TFEC: variants seen among roughly 807,000 people sequenced by gnomAD.
TFEC encodes the protein class E basic helix-loop-helix protein 34.
Under a neutral mutation model 41.6 loss-of-function variants are expected in TFEC, and 31 were observed. The observed-to-expected ratio is 0.74, with a 90% CI of 0.56 to 1.01. The LOEUF (loss-of-function observed/expected upper bound fraction) is 1.01, where lower values mean the gene tolerates loss of function less well. TFEC is among the 50% of genes least tolerant of loss of function. The pLI is 0.00. For missense variants in TFEC, 402 were observed against 404.1 expected, an observed-to-expected ratio of 0.99 and a Z score of 0.04; for synonymous variants, 143 against 140.6, an observed-to-expected ratio of 1.02 and a Z score of -0.12.
At chr7:115,953,020 C>T (rs1347764664) in intron 5 of TFEC, among the ~76,000 whole-genome samples, 3 of 152,118 alleles carry the variant, frequency 2.0e-5, no homozygotes, top group Non-Finnish European at 4.4e-5. Flanking sequence ...GAAGACAGAA[C>T]ATGACACCGA....
At chr7:116,089,270 G>T in intron 3 of TFEC, among the ~76,000 whole-genome samples, 1 of 152,180 alleles carries the variant, frequency 6.6e-6, no homozygotes, top group East Asian at 1.9e-4. Flanking sequence ...GGAAAAATAG[G>T]AAGTGTATAG....
intron 3 of TFEC, among the ~76,000 whole-genome samples, chr7:116,101,188 G>GC (rs150112321): frequency 0.18 from 19,286 of 109,684 alleles, 1,534 homozygotes; most frequent in East Asian, 0.31. Context: ...CCACTTTCAT[G>GC]CCCCCCCCCA....
chr7:115,938,534 C>CA lies in TFEC; in HGVS notation c.*2016dup, dbSNP rs1157170540. On this transcript the variant is annotated 3_prime_UTR_variant, in exon 8 of 8. Coordinates refer to ENST00000265440, the MANE Select transcript of TFEC (RefSeq NM_012252.4). ...GAAGTTAGTAATTATTTTTCCATGTCAAACAATAAAATTATTTTAATTCTC... is the reference window on the plus strand; with the variant it reads ...GAAGTTAGTAATTATTTTTCCATGTCAAAACAATAAAATTATTTTAATTCTC... 7 of 151,844 alleles carry CA rather than the reference C, an allele frequency of 4.6e-5. No individual in the cohort carries two copies. Among genetic ancestry groups the CA allele is most frequent in the Non-Finnish European group, 1.0e-4 (7 of 67,838 alleles). The allele number at this position is 151,844 out of a possible 1,614,324, so 9.4% of individuals were successfully genotyped here. A position where few individuals can be genotyped will look rare whatever the true frequency, so the allele number is the denominator to read the frequency against.
chr7:116,122,532 T>C (rs995511418), intron 1 of TFEC, among the ~76,000 whole-genome samples: 5 of 152,110 alleles, frequency 3.3e-5, no homozygotes, highest in African/African-American at 7.2e-5. Context: ...GCATTAGTGA[T>C]GCTTGTTCAT....
At chr7:116,132,763 C>A (rs182482302) in intron 1 of TFEC, among the ~76,000 whole-genome samples, 1 of 152,114 alleles carries the variant, frequency 6.6e-6, no homozygotes, top group Admixed American at 6.5e-5. Flanking sequence ...AGAACTATAG[C>A]GTTAAAACAA....
At chr7:116,146,058 G>A (rs1207442043) in intron 1 of TFEC, among the ~76,000 whole-genome samples, 5 of 152,278 alleles carry the variant, frequency 3.3e-5, no homozygotes, top group East Asian at 3.9e-4. Context: ...GTAATTAAGT[G>A]AAAAACCTAC....
chr7:115,942,610 C>T (rs1793562066), intron 6 of TFEC, among the ~76,000 whole-genome samples: 1 of 151,930 alleles, frequency 6.6e-6, no homozygotes. Flanking sequence ...ACCATTCAGT[C>T]ATTTTTTTTC....
intron 3 of TFEC, among the ~76,000 whole-genome samples, chr7:116,098,566 T>C (rs1797525888): frequency 6.6e-6 from 1 of 151,656 alleles, no homozygotes; most frequent in African/African-American, 2.4e-5. Flanking sequence ...TCAACATATA[T>C]AGAAGGAAAA....
intron 3 of TFEC, among the ~76,000 whole-genome samples, chr7:116,047,158 G>A (rs1345108196): frequency 1.3e-5 from 2 of 152,110 alleles, no homozygotes; most frequent in Non-Finnish European, 2.9e-5. Context: ...TCATCTCACA[G>A]GGGCTTGTCA....
chr7:116,026,158 C>T (rs1019564405), intron 1 of TFEC, among the ~76,000 whole-genome samples: 1 of 152,212 alleles, frequency 6.6e-6, no homozygotes, highest in Non-Finnish European at 1.5e-5. Flanking sequence ...TCTTCAGCCC[C>T]ACTTCATGTT....
At chr7:116,035,696 GA>G (rs1341595024), upstream of TFEC, among the ~76,000 whole-genome samples, 2 of 152,046 alleles carry the variant, frequency 1.3e-5, no homozygotes, top group African/African-American at 4.8e-5. Flanking sequence ...GACAGAAAGT[GA>G]AAACCTTCTG....
Position 115,972,874 on chromosome 7 carries a change from T to C in TFEC, c.267+1296A>G, listed in dbSNP as rs1793198310. ...CAATTTCAATGAAGTAAGTACCATG[T>C]ACAAAGAAGAGAAGGCTGCAGGAAA... On this transcript the variant is annotated intron_variant, in intron 3 of 7. Coordinates refer to ENST00000265440, the MANE Select transcript of TFEC (RefSeq NM_012252.4). 2.6e-5 allele frequency among the ~76,000 whole-genome samples: 4 copies of C among 152,002 alleles called. No individual in the cohort carries two copies. In the South Asian group the frequency reaches 8.3e-4, roughly 31 times the overall value.
At chr7:116,123,137 AT>A (rs1411114090) in intron 1 of TFEC, among the ~76,000 whole-genome samples, 1 of 152,128 alleles carries the variant, frequency 6.6e-6, no homozygotes, top group Non-Finnish European at 1.5e-5. Context: ...CTGAACTCAC[AT>A]TTTTTTAAAA....
intron 1 of TFEC, among the ~76,000 whole-genome samples, chr7:116,143,654 T>C (rs1798585175): frequency 6.6e-6 from 1 of 152,180 alleles, no homozygotes; most frequent in Non-Finnish European, 1.5e-5. Context: ...TTGATGCTTC[T>C]ATAGGGAACT....
Position 115,941,751 on chromosome 7 carries a change from C to A in TFEC, c.663+142G>T, listed in dbSNP as rs754721568. ...TAATTGAAACAACCCAATTCACGAA[C>A]TTCTAAAAAGCAGTAAAATTATCCT... is the stretch of plus-strand genomic sequence containing the variant. On this transcript the variant is annotated intron_variant, in intron 7 of 7. Coordinates refer to ENST00000265440, the MANE Select transcript of TFEC (RefSeq NM_012252.4). 2.9e-4 allele frequency: 337 copies of A among 1,154,094 alleles called. 1 individual carries two copies. Among genetic ancestry groups the A allele is most frequent in the Non-Finnish European group, 3.8e-4 (316 of 835,124 alleles). The allele number at this position is 1,154,094 out of a possible 1,614,324, so 71.5% of individuals were successfully genotyped here. A position where few individuals can be genotyped will look rare whatever the true frequency, so the allele number is the denominator to read the frequency against.
At chr7:116,073,187 GT>G (rs1312519501) in intron 3 of TFEC, among the ~76,000 whole-genome samples, 2 of 151,438 alleles carry the variant, frequency 1.3e-5, no homozygotes, top group African/African-American at 2.4e-5. Context: ...ATTTCCATAA[GT>G]AAGGAATGGG....
intron 3 of TFEC, among the ~76,000 whole-genome samples, chr7:116,050,596 G>T (rs1470734882): frequency 6.6e-6 from 1 of 152,174 alleles, no homozygotes; most frequent in Admixed American, 6.5e-5. Flanking sequence ...ACCACAATGA[G>T]ATACCATCTC....
At chr7:116,146,344 C>A (rs148667684) in intron 1 of TFEC, among the ~76,000 whole-genome samples, 33 of 152,078 alleles carry the variant, frequency 2.2e-4, no homozygotes, top group Admixed American at 4.6e-4. Flanking sequence ...AAACCAGGAG[C>A]CTTGAAAAAA....
intron 3 of TFEC, among the ~76,000 whole-genome samples, chr7:115,970,768 G>A (rs955277440): frequency 3.3e-5 from 5 of 151,860 alleles, no homozygotes; most frequent in African/African-American, 9.7e-5. Flanking sequence ...CCTCTCTCTT[G>A]CTCCCTCTCT....
Sources: gnomAD v4.1 joint callset for allele counts (sites outside exome capture counted in the v4.1 genomes callset) on GRCh38, gnomAD v4.1.1 for gene constraint, MANE v1.5 for transcripts, NCBI Gene and HGNC (gene_info 2026-07-23, HGNC 2026-07-21) for gene names.